The following TENM3 variants were observed in gnomAD, a reference collection of about 807,000 sequenced individuals.
The protein encoded by TENM3 is teneurin transmembrane protein 3, also known as teneurin-3.
A neutral mutation model predicts 255.1 loss-of-function variants in TENM3; 63 were observed. The observed-to-expected ratio is 0.25, with a 90% CI of 0.20 to 0.30. TENM3 has a LOEUF of 0.30. TENM3 is among the 10% of genes least tolerant of loss of function. The probability of loss-of-function intolerance (pLI) is 1.00; values close to 1 mark genes in which losing one functional copy is unlikely to be tolerated. For synonymous variants in TENM3, 1,306 were observed against 1,322.3 expected, an observed-to-expected ratio of 0.99 and a Z score of 0.27; for missense variants, 2,929 against 3,461.1, an observed-to-expected ratio of 0.85 and a Z score of 3.86.
At chr4:181,897,399 A>G in the TENM3 span, among the ~76,000 whole-genome samples, 1 of 152,208 alleles carries the variant, frequency 6.6e-6, no homozygotes, top group African/African-American at 2.4e-5. Context: ...CTCCTCCATC[A>G]TTCTTGGCTA....
At chr4:182,088,849 A>G in the TENM3 span, among the ~76,000 whole-genome samples, 6 of 142,928 alleles carry the variant, frequency 4.2e-5, no homozygotes, top group Non-Finnish European at 9.5e-5. Context: ...AAAAAAAAAA[A>G]AAAGAGAGAG....
At chr4:182,719,252 CTTTTTTTTTTTTTTTTTTT>C (rs11348241) in intron 13 of TENM3, among the ~76,000 whole-genome samples, 46 of 80,870 alleles carry the variant, frequency 5.7e-4, no homozygotes, top group Admixed American at 2.3e-3. Context: ...TTTTTTTTTT[CTTTTTTTTTTTTTTTTTTT>C]TTTTTTTTGA....
chr4:182,070,941 G>C, the TENM3 span, among the ~76,000 whole-genome samples: 2 of 152,178 alleles, frequency 1.3e-5, no homozygotes, highest in African/African-American at 4.8e-5. Context: ...CCTCTTCCAA[G>C]GACTTGAACT....
chr4:181,739,352 C>A, the TENM3 span, among the ~76,000 whole-genome samples: 1 of 152,212 alleles, frequency 6.6e-6, no homozygotes, highest in Non-Finnish European at 1.5e-5. Flanking sequence ...TGACTGAGAA[C>A]TGGTGCCCCT....
chr4:182,308,475 G>A (rs912740106), intron 1 of TENM3, among the ~76,000 whole-genome samples: 7 of 151,878 alleles, frequency 4.6e-5, no homozygotes, highest in South Asian at 2.1e-4. Flanking sequence ...ATGTGCCACC[G>A]TGACTGGCTA....
chr4:182,273,516 G>A (rs772057283), intron 1 of TENM3, among the ~76,000 whole-genome samples: 11 of 152,322 alleles, frequency 7.2e-5, no homozygotes, highest in Non-Finnish European at 1.5e-4. Flanking sequence ...AAGAATACAA[G>A]TCCCTGCTTT....
At chr4:182,173,100 G>A (rs979606895) in intron 1 of TENM3, among the ~76,000 whole-genome samples, 1 of 152,184 alleles carries the variant, frequency 6.6e-6, no homozygotes, top group Admixed American at 6.5e-5. Context: ...CAATCTCACT[G>A]TCTTAATGAA....
the TENM3 span, among the ~76,000 whole-genome samples, chr4:181,979,632 G>A: frequency 6.6e-6 from 1 of 152,068 alleles, no homozygotes; most frequent in East Asian, 1.9e-4. Flanking sequence ...GCTTGTGTGG[G>A]GACCAGTGTT....
At chr4:182,707,243 A>G (rs1442948891) in intron 12 of TENM3, among the ~76,000 whole-genome samples, 1 of 152,238 alleles carries the variant, frequency 6.6e-6, no homozygotes, top group African/African-American at 2.4e-5. Flanking sequence ...AAAAGGAAGA[A>G]TAAGATAACA....
chr4:181,545,403 G>T, the TENM3 span, among the ~76,000 whole-genome samples: 1 of 152,264 alleles, frequency 6.6e-6, no homozygotes, highest in Admixed American at 6.5e-5. Context: ...GGCACCTCAA[G>T]TTGGGGTTCC....
chr4:181,630,763 T>G, the TENM3 span, among the ~76,000 whole-genome samples: 1 of 152,182 alleles, frequency 6.6e-6, no homozygotes, highest in African/African-American at 2.4e-5. Flanking sequence ...TCCATCTATG[T>G]GGTCAATTTT....
In TENM3 at chr4:182,801,168, T is replaced by C. The variant is rs1766931615; in HGVS notation, c.*817T>C. The C allele has an allele frequency of 6.6e-6, 1 of 152,648 alleles. No individual in the cohort carries two copies. Among genetic ancestry groups the C allele is most frequent in the Non-Finnish European group, 1.5e-5 (1 of 68,046 alleles). 9.5% of individuals were successfully genotyped at this position (152,648 alleles called of 1,614,324 possible). ...TTTAAAAGGATTGCACCTTTTGTTATCTGTTATAGCTGTACAGTATGAATT... is the reference window on the plus strand; with the variant it reads ...TTTAAAAGGATTGCACCTTTTGTTACCTGTTATAGCTGTACAGTATGAATT... On this transcript the variant is annotated 3_prime_UTR_variant, in exon 28 of 28. Transcript: ENST00000511685.
At chr4:182,521,015 C>G (rs1458664035) in intron 3 of TENM3, among the ~76,000 whole-genome samples, 9 of 152,154 alleles carry the variant, frequency 5.9e-5, no homozygotes, top group African/African-American at 2.2e-4. Flanking sequence ...TAGATAATAA[C>G]TTTATTCAGA....
chr4:181,691,022 A>G, the TENM3 span, among the ~76,000 whole-genome samples: 1 of 152,076 alleles, frequency 6.6e-6, no homozygotes, highest in Non-Finnish European at 1.5e-5. Context: ...CATGCGTGCT[A>G]TTTTTTTCTT....
At chr4:181,586,624 G>A in the TENM3 span, among the ~76,000 whole-genome samples, 16 of 152,128 alleles carry the variant, frequency 1.1e-4, no homozygotes, top group African/African-American at 2.7e-4. Context: ...GGTGGATCAC[G>A]AGGTCGGGAG....
chr4:181,623,616 G>T, the TENM3 span, among the ~76,000 whole-genome samples: 1 of 152,196 alleles, frequency 6.6e-6, no homozygotes. Context: ...TTAAAAATCT[G>T]TGAAATCATT....
At chr4:182,067,988 G>A in the TENM3 span, among the ~76,000 whole-genome samples, 1 of 152,020 alleles carries the variant, frequency 6.6e-6, no homozygotes, top group Non-Finnish European at 1.5e-5. Flanking sequence ...GCGATTTCTG[G>A]AATGCCTTCT....
intron 3 of TENM3, among the ~76,000 whole-genome samples, chr4:182,519,710 A>G (rs970170060): frequency 1.1e-4 from 17 of 152,208 alleles, no homozygotes; most frequent in African/African-American, 3.4e-4. Context: ...TTAAAAGATG[A>G]CTTACAGTAT....
intron 6 of TENM3, among the ~76,000 whole-genome samples, chr4:182,661,439 G>A (rs1476144486): frequency 6.6e-6 from 1 of 152,080 alleles, no homozygotes. Flanking sequence ...CTGTGAATTC[G>A]AGAAATGGAG....
Sources: gnomAD v4.1 joint callset for allele counts (sites outside exome capture counted in the v4.1 genomes callset) on GRCh38, gnomAD v4.1.1 for gene constraint, MANE v1.5 for transcripts, NCBI Gene and HGNC (gene_info 2026-07-23, HGNC 2026-07-21) for gene names.